Variants in PARD6G observed in about 807,000 individuals in gnomAD.
PARD6G encodes the protein partitioning defective 6 homolog gamma.
In PARD6G, 7 loss-of-function variants were observed where a neutral mutation model predicts 10.7. That is an observed-to-expected ratio of 0.66 (90% CI 0.37 to 1.23). The LOEUF (loss-of-function observed/expected upper bound fraction) is 1.23. Ranked by LOEUF, PARD6G falls within the 50% of genes most tolerant of loss-of-function variation. The pLI, the probability that PARD6G is intolerant of heterozygous loss-of-function variation, is 0.02. For synonymous variants in PARD6G, 287 were observed against 269.4 expected (o/e 1.07, Z -0.64); for missense variants, 548 against 571.8 (o/e 0.96, Z 0.42).
chr18:80,247,331 G>A lies in PARD6G; in HGVS notation c.18C>T (p.His6=), dbSNP rs779154756. 1.5e-5 allele frequency: 23 copies of A among 1,577,992 alleles called. No individual in the cohort carries two copies. The highest frequency in any genetic ancestry group is 2.5e-5 in the East Asian group (1 of 40,632). The change falls in exon 1 of 3, where the codon CAC becomes CAT. Residue 6 remains histidine (H), a synonymous_variant. Transcript: ENST00000353265. This position sits in a 1 kb window ranked among gnomAD's most constrained non-coding sequence, Gnocchi z 4.2. MNRSF[H]KSQTLRFYDC... ...CGTAGAATCGCAAGGTCTGAGACTTGTGAAAACTTCGGTTCATGGTTTCGG... is the reference window on the plus strand; with the variant it reads ...CGTAGAATCGCAAGGTCTGAGACTTATGAAAACTTCGGTTCATGGTTTCGG...
Position 80,158,239 on chromosome 18 carries a change from T to C in PARD6G, c.*1532A>G, listed in dbSNP as rs566363413. ...AAGTGAGAACTGCCAGTGACCATTC[T>C]AGAAATGAAAATTAGCATGTATTGT... On this transcript the variant is annotated 3_prime_UTR_variant, in exon 3 of 3. Transcript: ENST00000353265. The C allele has an allele frequency of 6.6e-6, 1 of 152,378 alleles. No homozygotes were observed. The highest frequency in any genetic ancestry group is 6.5e-5 in the Admixed American group (1 of 15,306). The allele number at this position is 152,378 out of a possible 1,614,324, so 9.4% of individuals were successfully genotyped here.
intron 1 of PARD6G, among the ~76,000 whole-genome samples, chr18:80,244,019 G>A (rs1480550817): frequency 2.6e-5 from 4 of 152,162 alleles, no homozygotes; most frequent in African/African-American, 9.7e-5. Context: ...AGGTAAAGGC[G>A]TTGCTAAGTT....
intron 2 of PARD6G, among the ~76,000 whole-genome samples, chr18:80,191,636 T>G (rs139223730): frequency 1.3e-3 from 193 of 152,330 alleles, no homozygotes; most frequent in South Asian, 2.7e-3. Context: ...ATCATTTAGG[T>G]TTTGGTCTAT....
At chr18:80,239,803 C>T (rs557838458) in intron 1 of PARD6G, among the ~76,000 whole-genome samples, 5 of 152,314 alleles carry the variant, frequency 3.3e-5, no homozygotes, top group African/African-American at 1.2e-4. Flanking sequence ...CAGGGATGCC[C>T]CGGCAATGAG....
chr18:80,187,464 C>T (rs900736972), intron 2 of PARD6G, among the ~76,000 whole-genome samples: 11 of 152,310 alleles, frequency 7.2e-5, no homozygotes, highest in East Asian at 1.9e-4. Context: ...AGGGGGACAA[C>T]GCAGCATCCC....
chr18:80,221,958 A>G (rs531529649), intron 1 of PARD6G, among the ~76,000 whole-genome samples: 1 of 152,360 alleles, frequency 6.6e-6, no homozygotes, highest in Admixed American at 6.5e-5. Context: ...AAAGGATAAA[A>G]CAGGAATAAA....
chr18:80,207,815 T>C (rs552272763), intron 1 of PARD6G, among the ~76,000 whole-genome samples: 1 of 152,296 alleles, frequency 6.6e-6, no homozygotes, highest in African/African-American at 2.4e-5. Context: ...ATACATATTT[T>C]TTGTTGCAGA....
intron 1 of PARD6G, among the ~76,000 whole-genome samples, chr18:80,213,424 G>A (rs1381713525): frequency 3.3e-5 from 5 of 152,194 alleles, no homozygotes; most frequent in Non-Finnish European, 5.9e-5. Context: ...CTACCAGAGT[G>A]TTGAAGCTGT....
chr18:80,235,250 G>C (rs561765278), intron 1 of PARD6G, among the ~76,000 whole-genome samples: 106 of 152,314 alleles, frequency 7.0e-4, no homozygotes, highest in Non-Finnish European at 5.3e-4. Context: ...ACCTGCTCCT[G>C]AATGACTACT....
rs1356858308 is a variant in PARD6G at position 80,160,561 on chromosome 18, C to T, written c.341G>A (p.Arg114Gln). Residue 114 changes from arginine to glutamine, a missense_variant, in exon 3 of 3, where the codon CGG becomes CAG. Transcript: ENST00000353265. ...GSLGAGSLCR[R>Q]RRALGALRDE... ...ACGCAGCGCGCCCAGCGCCCGCCTC[C>T]GCCTGCACAGCGAGCCCGCGCCGAG... 1.4e-6 allele frequency: 2 copies of T among 1,476,546 alleles called. No homozygotes were observed. The highest frequency in any genetic ancestry group is 1.4e-5 in the South Asian group (1 of 70,284). 91.5% of individuals were successfully genotyped at this position (1,476,546 alleles called of 1,614,324 possible). A position where few individuals can be genotyped will look rare whatever the true frequency, so the allele number is the denominator to read the frequency against.
intron 1 of PARD6G, among the ~76,000 whole-genome samples, chr18:80,209,946 C>A (rs1225261292): frequency 2.0e-5 from 3 of 152,170 alleles, no homozygotes; most frequent in African/African-American, 7.2e-5. Context: ...TCATATCAAT[C>A]TCTATTAATC....
intron 1 of PARD6G, among the ~76,000 whole-genome samples, chr18:80,205,561 T>C (rs758036368): frequency 1.3e-5 from 2 of 152,096 alleles, no homozygotes; most frequent in African/African-American, 2.4e-5. Context: ...GGTGAGTGAG[T>C]GAGTGATCAC....
intron 1 of PARD6G, among the ~76,000 whole-genome samples, chr18:80,221,682 T>C (rs918382853): frequency 6.6e-6 from 1 of 151,990 alleles, no homozygotes; most frequent in Admixed American, 6.5e-5. Context: ...TATTTAACAC[T>C]GTACTGTAGT....
intron 1 of PARD6G, among the ~76,000 whole-genome samples, chr18:80,237,883 T>G (rs1413525973): frequency 6.6e-6 from 1 of 152,096 alleles, no homozygotes; most frequent in Non-Finnish European, 1.5e-5. Context: ...ATAGGAACAC[T>G]TTTACACTGT....
At chr18:80,177,208 A>G in intron 2 of PARD6G, among the ~76,000 whole-genome samples, 1 of 110,102 alleles carries the variant, frequency 9.1e-6, no homozygotes, top group Non-Finnish European at 1.7e-5. Flanking sequence ...TCACAGCCTA[A>G]ATGGGAAGCG....
intron 2 of PARD6G, among the ~76,000 whole-genome samples, chr18:80,171,999 T>C (rs2052780292): frequency 6.6e-6 from 1 of 152,234 alleles, no homozygotes; most frequent in Non-Finnish European, 1.5e-5. Context: ...GTCTGGGCTT[T>C]CCAGAGACGC....
chr18:80,237,729 A>G (rs1967440705), intron 1 of PARD6G, among the ~76,000 whole-genome samples: 2 of 152,240 alleles, frequency 1.3e-5, no homozygotes, highest in Non-Finnish European at 2.9e-5. Context: ...TTATGCAGCC[A>G]AAAGACACAT....
chr18:80,208,387 C>T (rs1967075330), intron 1 of PARD6G, among the ~76,000 whole-genome samples: 1 of 152,142 alleles, frequency 6.6e-6, no homozygotes, highest in South Asian at 2.1e-4. Flanking sequence ...ATGCCTAAAC[C>T]ACCATTAAAG....
At chr18:80,235,840 G>GA (rs944010890) in intron 1 of PARD6G, among the ~76,000 whole-genome samples, 2 of 152,154 alleles carry the variant, frequency 1.3e-5, no homozygotes, top group African/African-American at 4.8e-5. Flanking sequence ...AACAGGCTGT[G>GA]AAATTGAGGC....
Sources: gnomAD v4.1 joint callset for allele counts (sites outside exome capture counted in the v4.1 genomes callset) on GRCh38, gnomAD v4.1.1 for gene constraint, Gnocchi (gnomAD v3.1) non-coding constraint, MANE v1.5 for transcripts, NCBI Gene and HGNC (gene_info 2026-07-23, HGNC 2026-07-21) for gene names.